Variants in RPS6KA2 observed in about 807,000 individuals in gnomAD.
RPS6KA2 encodes ribosomal protein S6 kinase A2, also known as ribosomal protein S6 kinase alpha-2.
Under a neutral mutation model 91.8 loss-of-function variants are expected in RPS6KA2, and 42 were observed. The ratio of observed to expected loss-of-function variants is 0.46; its 90% confidence interval spans 0.36 to 0.59. The LOEUF (loss-of-function observed/expected upper bound fraction) is 0.59, where lower values mean the gene tolerates loss of function less well. RPS6KA2 is among the 20% of genes least tolerant of loss of function. The pLI is 0.00. For missense variants in RPS6KA2, 798 were observed against 978.5 expected, an observed-to-expected ratio of 0.82 and a Z score of 2.46; for synonymous variants, 414 against 393.6, an observed-to-expected ratio of 1.05 and a Z score of -0.61.
At chr6:166,757,666 G>A (rs1778055026) in intron 2 of RPS6KA2, 47 of 453,764 alleles carry the variant, frequency 1.0e-4, no homozygotes, top group South Asian at 7.2e-4. Context: ...TCACCTTGTG[G>A]GCTGCTGCGC....
At chr6:166,507,826 GCACA>G (rs981338201) in intron 5 of RPS6KA2, among the ~76,000 whole-genome samples, 14 of 144,970 alleles carry the variant, frequency 9.7e-5, no homozygotes, top group Non-Finnish European at 2.1e-4. Context: ...CACCCCACAT[GCACA>G]CACACTCACA....
chr6:166,698,115 G>A (rs900251827), intron 2 of RPS6KA2, among the ~76,000 whole-genome samples: 3 of 152,200 alleles, frequency 2.0e-5, no homozygotes, highest in Non-Finnish European at 2.9e-5. Context: ...GTGTACATGG[G>A]TGACATAGGA....
At chr6:166,560,874 T>G (rs77040482) in intron 1 of RPS6KA2, among the ~76,000 whole-genome samples, 29 of 152,248 alleles carry the variant, frequency 1.9e-4, no homozygotes, top group African/African-American at 7.0e-4. Flanking sequence ...AATGGTCACT[T>G]ATTCTCATGC....
chr6:166,830,138 AAAAGAAAG>A (rs200116355), intron 2 of RPS6KA2, among the ~76,000 whole-genome samples: 232 of 129,066 alleles, frequency 1.8e-3, no homozygotes, highest in African/African-American at 2.2e-3. Flanking sequence ...AAAAAAAAAA[AAAAGAAAG>A]AAAGAAAGAA....
Position 166,437,468 on chromosome 6 carries a change from G to A in RPS6KA2, c.1333-4978C>T, listed in dbSNP as rs1001983462. On this transcript the variant is annotated intron_variant, in intron 14 of 20. Transcript: ENST00000265678. The surrounding 1 kb of genome is among the most constrained non-coding windows in gnomAD (Gnocchi z 4.3). The stretch of plus-strand genomic sequence containing the variant: ...CACGGAGTAGGAGTGGTGTCGTGGG[G>A]CGGGGGACAAGCTCGCTCAGCTTTC... Among the ~76,000 whole-genome samples, 2 of 152,314 alleles carry A rather than the reference G, an allele frequency of 1.3e-5. No individual in the cohort carries two copies. The highest frequency in any genetic ancestry group is 2.9e-5 in the Non-Finnish European group (2 of 68,032).
At chr6:166,472,931 C>T (rs1272785291) in intron 10 of RPS6KA2, among the ~76,000 whole-genome samples, 3 of 152,094 alleles carry the variant, frequency 2.0e-5, no homozygotes, top group Non-Finnish European at 2.9e-5. Flanking sequence ...AGCAATTTGT[C>T]GTTAAGTTCC....
Position 166,500,021 on chromosome 6 carries a change from G to A in RPS6KA2, c.604+866C>T, listed in dbSNP as rs1781968643. Among the ~76,000 whole-genome samples the A allele has an allele frequency of 6.6e-6, 1 of 152,212 alleles. No homozygotes were observed. The highest frequency in any genetic ancestry group is 1.5e-5 in the Non-Finnish European group (1 of 68,042). The stretch of plus-strand genomic sequence containing the variant: ...TTGCAAGGGTCTTCAGGTTAGGAAG[G>A]GAGGCAAGATGCAGTCAGAGAGCTT... On this transcript the variant is annotated intron_variant, in intron 7 of 20. Coordinates refer to ENST00000265678, the MANE Select transcript of RPS6KA2 (RefSeq NM_021135.6). This position sits in a 1 kb window ranked among gnomAD's most constrained non-coding sequence, Gnocchi z 4.3.
chr6:166,424,350 G>C (rs1353862832), intron 16 of RPS6KA2, among the ~76,000 whole-genome samples: 1 of 152,176 alleles, frequency 6.6e-6, no homozygotes, highest in African/African-American at 2.4e-5. Flanking sequence ...TCAAGACTGG[G>C]TGACCACACA....
In RPS6KA2 at chr6:166,772,041, G is replaced by A. The variant is rs567638838; in HGVS notation, c.123+86159C>T. Among the ~76,000 whole-genome samples the A allele has an allele frequency of 8.6e-5, 13 of 151,922 alleles. 1 individual carries two copies. In the South Asian group the frequency reaches 1.7e-3, roughly 19 times the overall value. On this transcript the variant is annotated intron_variant, in intron 2 of 21. Coordinates refer to the RPS6KA2 transcript ENST00000503859. ...GTTTGTTTTATGTTCCCAACTGGAC[G>A]GTAATTAATAACTGGCAAGAATACA... is the stretch of plus-strand genomic sequence containing the variant.
intron 2 of RPS6KA2, among the ~76,000 whole-genome samples, chr6:166,736,877 T>C (rs1413494917): frequency 2.6e-5 from 4 of 152,008 alleles, no homozygotes; most frequent in Non-Finnish European, 4.4e-5. Context: ...ACCATCCAGC[T>C]GCCAGTCATG....
intron 1 of RPS6KA2, among the ~76,000 whole-genome samples, chr6:166,614,407 C>T (rs1786321860): frequency 6.6e-6 from 1 of 152,226 alleles, no homozygotes. Context: ...CGGCCCGCTT[C>T]CTACCCAGGC....
chr6:166,572,659 T>C (rs1240393594), intron 1 of RPS6KA2, among the ~76,000 whole-genome samples: 2 of 152,228 alleles, frequency 1.3e-5, no homozygotes, highest in Admixed American at 6.5e-5. Context: ...GGCCTGGGGA[T>C]AGGGGACCAG....
intron 10 of RPS6KA2, among the ~76,000 whole-genome samples, chr6:166,480,335 C>T (rs1469578783): frequency 2.0e-5 from 3 of 151,628 alleles, no homozygotes; most frequent in Non-Finnish European, 2.9e-5. Context: ...TTCGAAAGCA[C>T]AAAAACATTC....
rs1396206983 is a variant in RPS6KA2 at position 166,418,377 on chromosome 6, G to T, written c.1821-35C>A. On this transcript the variant is annotated intron_variant, in intron 18 of 20. Coordinates refer to ENST00000265678, the MANE Select transcript of RPS6KA2 (RefSeq NM_021135.6). The surrounding 1 kb of genome is among the most constrained non-coding windows in gnomAD (Gnocchi z 4.9). ...TAGACAAATTTGTGGTAATGAGCTTGTATTTTACAACCTAAAATAAAGTTT... is the reference window on the plus strand; with the variant it reads ...TAGACAAATTTGTGGTAATGAGCTTTTATTTTACAACCTAAAATAAAGTTT... 6.7e-7 allele frequency: 1 copy of T among 1,490,896 alleles called. No individual in the cohort carries two copies. The highest frequency in any genetic ancestry group is 1.7e-5 in the Admixed American group (1 of 58,478). 92.4% of individuals were successfully genotyped at this position (1,490,896 alleles called of 1,614,324 possible).
chr6:166,684,748 C>A (rs1179775139), intron 2 of RPS6KA2, among the ~76,000 whole-genome samples: 2 of 152,206 alleles, frequency 1.3e-5, no homozygotes, highest in Non-Finnish European at 2.9e-5. Flanking sequence ...CACCTCCAGC[C>A]TACATCGCTT....
At chr6:166,497,500 C>T (rs11752984) in intron 8 of RPS6KA2, among the ~76,000 whole-genome samples, 2 of 152,292 alleles carry the variant, frequency 1.3e-5, no homozygotes, top group South Asian at 2.1e-4. Context: ...CTGCCCCTCG[C>T]GGAGAGGTGA....
At chr6:166,749,958 C>T (rs1304643168) in intron 2 of RPS6KA2, among the ~76,000 whole-genome samples, 7 of 151,666 alleles carry the variant, frequency 4.6e-5, no homozygotes, top group Non-Finnish European at 8.8e-5. Context: ...ACAGAGAGGG[C>T]GGTGGAGGTG....
At chr6:166,826,713 ACT>A (rs1270203116) in intron 2 of RPS6KA2, among the ~76,000 whole-genome samples, 1 of 151,934 alleles carries the variant, frequency 6.6e-6, no homozygotes, top group Non-Finnish European at 1.5e-5. Context: ...TTGCCATTAT[ACT>A]CTCTGTTTAC....
At chr6:166,661,018 T>C (rs1026968215) in intron 2 of RPS6KA2, among the ~76,000 whole-genome samples, 3 of 152,208 alleles carry the variant, frequency 2.0e-5, no homozygotes, top group Admixed American at 6.5e-5. Context: ...CAATCCATAA[T>C]CTTACCTCGT....
Sources: allele counts gnomAD v4.1 joint callset (sites outside exome capture counted in the v4.1 genomes callset), GRCh38; gene constraint gnomAD v4.1.1; non-coding constraint Gnocchi (gnomAD v3.1); transcripts MANE v1.5; gene names NCBI Gene and HGNC (gene_info 2026-07-23, HGNC 2026-07-21).